NR2F1-AS1: variants seen among roughly 807,000 people sequenced by gnomAD.
NR2F1-AS1 encodes NR2F1 antisense RNA 1.
chr5:93,457,025 G>A (rs1263226500), intron 4 of NR2F1-AS1, among the ~76,000 whole-genome samples: 1 of 152,194 alleles, frequency 6.6e-6, no homozygotes, highest in East Asian at 1.9e-4. Context: ...ATCTCCAGTA[G>A]ATGGAATATA....
At chr5:93,573,903 T>A (rs1371048937) in intron 1 of NR2F1-AS1, among the ~76,000 whole-genome samples, 1 of 152,238 alleles carries the variant, frequency 6.6e-6, no homozygotes, top group Non-Finnish European at 1.5e-5. Context: ...ATTTATGGTC[T>A]CTTTTTCGAC....
At chr5:93,538,494 A>G (rs1382343657) in intron 4 of NR2F1-AS1, among the ~76,000 whole-genome samples, 1 of 152,180 alleles carries the variant, frequency 6.6e-6, no homozygotes, top group East Asian at 1.9e-4. Context: ...AATTAAATAA[A>G]TAAATATTCA....
At chr5:93,518,736 A>C (rs965346310) in intron 4 of NR2F1-AS1, among the ~76,000 whole-genome samples, 1 of 152,100 alleles carries the variant, frequency 6.6e-6, no homozygotes. Context: ...TTGGTATTTA[A>C]GTATATAAAA....
chr5:93,441,007 T>C (rs1580225829), intron 4 of NR2F1-AS1, among the ~76,000 whole-genome samples: 1 of 152,234 alleles, frequency 6.6e-6, no homozygotes, highest in Non-Finnish European at 1.5e-5. Context: ...TTATTAACTA[T>C]ATGCTGCTAA....
At chr5:93,584,959 C>A, upstream of NR2F1-AS1, 1 of 660,706 alleles carries the variant, frequency 1.5e-6, no homozygotes, top group Non-Finnish European at 1.9e-6. Flanking sequence ...TCCCAGCGCG[C>A]CCGCGCGCCC....
At chr5:93,486,458 A>G (rs1027406793) in intron 4 of NR2F1-AS1, among the ~76,000 whole-genome samples, 2 of 152,164 alleles carry the variant, frequency 1.3e-5, no homozygotes, top group Non-Finnish European at 2.9e-5. Context: ...AGAGAATACT[A>G]TAAACACCTC....
intron 4 of NR2F1-AS1, among the ~76,000 whole-genome samples, chr5:93,544,428 T>C (rs1374290950): frequency 2.0e-5 from 3 of 152,186 alleles, no homozygotes; most frequent in Non-Finnish European, 2.9e-5. Flanking sequence ...TGGCACATTA[T>C]ATAATTTAAT....
At chr5:93,438,260 C>A (rs80061458) in intron 4 of NR2F1-AS1, among the ~76,000 whole-genome samples, 1 of 152,202 alleles carries the variant, frequency 6.6e-6, no homozygotes, top group African/African-American at 2.4e-5. Flanking sequence ...TCCTTTTCAA[C>A]GGAATCTACA....
intron 4 of NR2F1-AS1, among the ~76,000 whole-genome samples, chr5:93,513,160 A>G (rs1751335928): frequency 6.6e-6 from 1 of 152,202 alleles, no homozygotes. Flanking sequence ...GAGTAAAAAA[A>G]CAACAGATGC....
At chr5:93,464,332 T>C (rs924205453) in intron 4 of NR2F1-AS1, among the ~76,000 whole-genome samples, 4 of 152,194 alleles carry the variant, frequency 2.6e-5, no homozygotes, top group African/African-American at 9.7e-5. Flanking sequence ...AATGTCTTTC[T>C]TTTCTAAATT....
chr5:93,462,298 A>T (rs933416109), intron 4 of NR2F1-AS1, among the ~76,000 whole-genome samples: 6 of 152,136 alleles, frequency 3.9e-5, no homozygotes, highest in African/African-American at 1.4e-4. Context: ...GGTTTTTAAA[A>T]TGGGGAGTTT....
chr5:93,544,566 A>G (rs528396615), intron 4 of NR2F1-AS1, among the ~76,000 whole-genome samples: 31 of 152,316 alleles, frequency 2.0e-4, no homozygotes, highest in African/African-American at 7.5e-4. Flanking sequence ...TCCTAATCTT[A>G]AAGTCTTAAT....
intron 4 of NR2F1-AS1, among the ~76,000 whole-genome samples, chr5:93,453,253 G>C (rs757748416): frequency 6.6e-6 from 1 of 151,738 alleles, no homozygotes; most frequent in Non-Finnish European, 1.5e-5. Context: ...CAAAATAGAA[G>C]CTACCCAGAA....
chr5:93,449,351 C>A (rs1367218716), intron 4 of NR2F1-AS1, among the ~76,000 whole-genome samples: 1 of 152,194 alleles, frequency 6.6e-6, no homozygotes, highest in East Asian at 1.9e-4. Flanking sequence ...TTTCCCTCAA[C>A]TAACACTCCA....
chr5:93,582,004 TCTCTC>T (rs1264385070), upstream of NR2F1-AS1, among the ~76,000 whole-genome samples: 5 of 69,006 alleles, frequency 7.2e-5, no homozygotes, highest in African/African-American at 6.7e-4. Context: ...TCTCCTCTCT[TCTCTC>T]TCTCTCTCTC....
chr5:93,582,272 A>T (rs529051451), upstream of NR2F1-AS1, among the ~76,000 whole-genome samples: 38 of 85,266 alleles, frequency 4.5e-4, no homozygotes, highest in Admixed American at 1.0e-3. Flanking sequence ...GCCAGGTGAT[A>T]AAAAAAAAAA....
At chr5:93,474,552 A>G (rs913271943) in intron 4 of NR2F1-AS1, among the ~76,000 whole-genome samples, 1 of 152,202 alleles carries the variant, frequency 6.6e-6, no homozygotes, top group Non-Finnish European at 1.5e-5. Context: ...AGATCGAGGA[A>G]CTAACAGATC....
chr5:93,497,572 G>C (rs150014710), intron 4 of NR2F1-AS1, among the ~76,000 whole-genome samples: 2 of 152,144 alleles, frequency 1.3e-5, no homozygotes, highest in East Asian at 1.9e-4. Flanking sequence ...TACAGGACCT[G>C]GAATTATCTC....
At chr5:93,495,368 T>C (rs1170275072) in intron 4 of NR2F1-AS1, among the ~76,000 whole-genome samples, 3 of 152,162 alleles carry the variant, frequency 2.0e-5, no homozygotes, top group Admixed American at 1.3e-4. Context: ...GAAAGTAGAA[T>C]TGTATGTCCA....
Sources: allele counts gnomAD v4.1 joint callset (sites outside exome capture counted in the v4.1 genomes callset), GRCh38; gene constraint gnomAD v4.1.1; transcripts MANE v1.5; gene names NCBI Gene and HGNC (gene_info 2026-07-23, HGNC 2026-07-21).